The following USP54 variants were observed in gnomAD, a reference collection of about 807,000 sequenced individuals.
USP54 encodes the protein ubiquitin carboxyl-terminal hydrolase 54.
A neutral mutation model predicts 170.5 loss-of-function variants in USP54; 87 were observed. That is an observed-to-expected ratio of 0.51 (90% CI 0.43 to 0.61). The LOEUF (loss-of-function observed/expected upper bound fraction) is 0.61, where lower values mean the gene tolerates loss of function less well. Ranked by LOEUF, USP54 falls within the 20% of genes least tolerant of loss-of-function variation. The pLI, the probability that USP54 is intolerant of heterozygous loss-of-function variation, is 0.00. For missense variants in USP54, 1,786 were observed against 2,047.8 expected, an observed-to-expected ratio of 0.87 and a Z score of 2.47; for synonymous variants, 655 against 742.8, an observed-to-expected ratio of 0.88 and a Z score of 1.92.
At chr10:73,542,965 A>C in intron 6 of USP54, 53 bp downstream of exon 6, 1 of 1,609,080 alleles carries the variant, frequency 6.2e-7, no homozygotes, top group South Asian at 1.1e-5. Flanking sequence ...CCCACATCCC[A>C]GGATAAAGTG....
chr10:73,548,095 G>A (rs2068278533), intron 4 of USP54, among the ~76,000 whole-genome samples: 1 of 151,724 alleles, frequency 6.6e-6, no homozygotes, highest in African/African-American at 2.4e-5. Flanking sequence ...CTTCTCAAAA[G>A]AAGACATTTA....
rs1195548375 is a variant in USP54 at position 73,624,567 on chromosome 10, A to T, written c.-18+1000T>A. ...CCTCAACATAAAAAAATCCAGTTAT[A>T]TAATCACAAGAGAGTTATCCCTTTC... On this transcript the variant is annotated intron_variant, in intron 1 of 22. Transcript: ENST00000339859. The T allele has an allele frequency of 3.3e-5, 5 of 152,272 alleles. No homozygotes were observed. In the East Asian group the frequency reaches 9.6e-4, roughly 29 times the overall value. The allele number at this position is 152,272 out of a possible 1,614,324, so 9.4% of individuals were successfully genotyped here.
At chr10:73,598,285 T>C (rs542775795) in intron 1 of USP54, among the ~76,000 whole-genome samples, 1 of 152,138 alleles carries the variant, frequency 6.6e-6, no homozygotes, top group African/African-American at 2.4e-5. Flanking sequence ...ATCCCCCATA[T>C]GCAAGAGAAA....
intron 1 of USP54, among the ~76,000 whole-genome samples, chr10:73,577,394 A>G (rs554364019): frequency 2.6e-5 from 4 of 152,310 alleles, no homozygotes; most frequent in Middle Eastern, 6.8e-3. Context: ...CCTTCTGTAA[A>G]TTCCCAGACT....
intron 1 of USP54, among the ~76,000 whole-genome samples, chr10:73,609,371 C>A (rs951279230): frequency 6.6e-6 from 1 of 152,188 alleles, no homozygotes; most frequent in Non-Finnish European, 1.5e-5. Context: ...GAAACAATGG[C>A]ACACAAATAA....
rs540820561 is a variant in USP54, at chr10:73,570,868, T to C, written c.240+553A>G. 7.2e-5 allele frequency among the ~76,000 whole-genome samples: 11 copies of C among 152,302 alleles called. No individual in the cohort carries two copies. The South Asian group carries it at 2.3e-3, about 32-fold the overall frequency. On this transcript the variant is annotated intron_variant, in intron 4 of 23. Transcript: ENST00000687698. ...CAAAGTAGAAGCAGGCTGGGCACAA[T>C]GGCTCACGCCTGTAATCCCAGTGCT...
chr10:73,615,919 A>G (rs1170278516), intron 1 of USP54, among the ~76,000 whole-genome samples: 1 of 148,686 alleles, frequency 6.7e-6, no homozygotes, highest in Non-Finnish European at 1.5e-5. Context: ...AAAAAAAAAA[A>G]AAAAAGGCCC....
intron 9 of USP54, among the ~76,000 whole-genome samples, chr10:73,540,384 C>T (rs1234536606): frequency 6.6e-6 from 1 of 151,732 alleles, no homozygotes. Context: ...TCCTGGCTAA[C>T]ATGGTGAAAC....
intron 1 of USP54, among the ~76,000 whole-genome samples, chr10:73,620,818 A>G (rs987093265): frequency 2.0e-5 from 3 of 150,038 alleles, no homozygotes; most frequent in African/African-American, 7.6e-5. Flanking sequence ...GGGCACCTGT[A>G]ATCCCAGCTA....
At chr10:73,595,721 A>G (rs1418129152), upstream of USP54, among the ~76,000 whole-genome samples, 1 of 152,230 alleles carries the variant, frequency 6.6e-6, no homozygotes, top group Non-Finnish European at 1.5e-5. Context: ...AAGGGTTTTT[A>G]AAAGTCTTGG....
intron 1 of USP54, among the ~76,000 whole-genome samples, chr10:73,589,894 C>T (rs542304077): frequency 1.9e-4 from 29 of 152,300 alleles, no homozygotes; most frequent in African/African-American, 6.0e-4. Context: ...CTCTAACAGC[C>T]TTTACAATAC....
At chr10:73,564,690 T>G (rs1302861747) in intron 4 of USP54, among the ~76,000 whole-genome samples, 2 of 152,142 alleles carry the variant, frequency 1.3e-5, no homozygotes, top group African/African-American at 4.8e-5. Flanking sequence ...CAATGAGCTG[T>G]GAGCAAAAGT....
intron 1 of USP54, among the ~76,000 whole-genome samples, chr10:73,613,403 G>A (rs2080322232): frequency 1.3e-5 from 2 of 151,274 alleles, no homozygotes; most frequent in African/African-American, 4.8e-5. Flanking sequence ...CTCCCAAAGT[G>A]CTGGGGTTAC....
At chr10:73,602,038 G>A (rs183516816) in intron 1 of USP54, among the ~76,000 whole-genome samples, 1 of 152,276 alleles carries the variant, frequency 6.6e-6, no homozygotes, top group East Asian at 1.9e-4. Flanking sequence ...CAACAATGTA[G>A]CACCTCAACA....
In USP54 at chr10:73,498,867, G is replaced by A. The variant is rs1309795075; in HGVS notation, c.4817C>T (p.Pro1606Leu). The part of the protein sequence containing the change: ...HPPIVHPVYP[P>L]SSSLHVPLRS... ...CAGGGGTACATGAAGACTGCTAGATGGTGGGTACACAGGATGAACAATGGG... is the reference window on the plus strand; with the variant it reads ...CAGGGGTACATGAAGACTGCTAGATAGTGGGTACACAGGATGAACAATGGG... The change falls in exon 24 of 24, where the codon CCA becomes CTA. Residue 1606 changes from proline (P) to leucine (L), a missense_variant. Transcript: ENST00000687698. 1 of 1,613,654 alleles carries A rather than the reference G, an allele frequency of 6.2e-7. No individual in the cohort carries two copies. Among genetic ancestry groups the A allele is most frequent in the East Asian group, 2.2e-5 (1 of 44,878 alleles).
Position 73,516,752 on chromosome 10 carries a change from G to A in USP54, c.3674C>T (p.Pro1225Leu). The A allele has an allele frequency of 2.5e-6, 4 of 1,614,106 alleles. No homozygotes were observed. Among genetic ancestry groups the A allele is most frequent in the Non-Finnish European group, 3.4e-6 (4 of 1,180,020 alleles). Reference protein sequence around the residue: ...PNGETSSGGQPRLAEPDIYQE... With the variant: ...PNGETSSGGQLRLAEPDIYQE... ...GTATATGTCTGGCTCTGCCAACCTG[G>A]GCTGTCCTCCGCTAGAAGTTTCACC... The change falls in exon 20 of 24, where the codon CCC becomes CTC. Residue 1225 changes from proline to leucine, a missense_variant. Around this residue, in one of 3 missense-constraint regions of USP54, gnomAD observed 1,418 missense variants for 1,569.0 expected, o/e 0.90. Transcript: ENST00000687698.
At chr10:73,517,824 T>C in intron 19 of USP54, 77 bp from the exon 20 acceptor site, 1 of 1,477,550 alleles carries the variant, frequency 6.8e-7, no homozygotes, top group South Asian at 1.3e-5. Flanking sequence ...CAACATTCCA[T>C]TCCCATTTCT....
chr10:73,576,855 C>A (rs1250365285), intron 1 of USP54, among the ~76,000 whole-genome samples: 4 of 152,220 alleles, frequency 2.6e-5, no homozygotes, highest in African/African-American at 9.6e-5. Context: ...TCCAGAGAAA[C>A]ACTGATGGCG....
chr10:73,498,566 G>A lies in USP54; in HGVS notation c.*63C>T, dbSNP rs1426941482. On this transcript the variant is annotated 3_prime_UTR_variant, in exon 24 of 24. Coordinates refer to ENST00000687698, the MANE Select transcript of USP54 (RefSeq NM_001391956.1). ...TGGGATTACAGGTGTGAGCCACCGC[G>A]CCCGGCCCACAGTACAGTTTTACAA... The A allele has an allele frequency of 2.7e-6, 4 of 1,463,660 alleles. No individual in the cohort carries two copies. The highest frequency in any genetic ancestry group is 1.4e-5 in the African/African-American group (1 of 70,822). The allele number at this position is 1,463,660 out of a possible 1,614,324, so 90.7% of individuals were successfully genotyped here.
Sources: gnomAD v4.1 joint callset for allele counts (sites outside exome capture counted in the v4.1 genomes callset) on GRCh38, gnomAD v4.1.1 for gene constraint, gnomAD v4.1.1 regional missense constraint, MANE v1.5 for transcripts, NCBI Gene and HGNC (gene_info 2026-07-23, HGNC 2026-07-21) for gene names.